The following MEGF11 variants were observed in gnomAD, a reference collection of about 807,000 sequenced individuals.
MEGF11 encodes the protein multiple epidermal growth factor-like domains protein 11.
A neutral mutation model predicts 146.6 loss-of-function variants in MEGF11; 126 were observed. The ratio of observed to expected loss-of-function variants is 0.86; its 90% CI spans 0.74 to 1.00. The LOEUF (loss-of-function observed/expected upper bound fraction) is 1.00. Among genes scored for constraint, MEGF11 ranks in the 50% least tolerant of loss-of-function variants. The pLI is 0.00. For missense variants in MEGF11, 1,509 were observed against 1,521.2 expected (o/e 0.99, Z 0.13); for synonymous variants, 532 against 583.4 (o/e 0.91, Z 1.27).
intron 1 of MEGF11, among the ~76,000 whole-genome samples, chr15:66,188,050 C>A (rs1006312836): frequency 6.6e-6 from 1 of 152,126 alleles, no homozygotes; most frequent in East Asian, 1.9e-4. Flanking sequence ...CTGGGGGGAG[C>A]CGGAGGACTG....
Position 65,982,414 on chromosome 15 carries a change from TG to T in MEGF11, c.468del (p.Ile157SerfsTer130). ...CQCQNGALCN[P>X]ITGACVCAAG... The stretch of plus-strand genomic sequence containing the variant: ...GCGGCGCACACGCAGGCGCCTGTGA[TG>T]GGGTTACACAGGGCGCCGTTCTGGC... On this transcript the variant is annotated frameshift_variant, in exon 6 of 26. Transcript: ENST00000395614. LOFTEE classifies it high-confidence loss of function. The surrounding 1 kb of genome is among the most constrained non-coding windows in gnomAD (Gnocchi z 5.6). 1 of 1,535,768 alleles carries T rather than the reference TG, an allele frequency of 6.5e-7. No individual in the cohort carries two copies. Among genetic ancestry groups the T allele is most frequent in the Non-Finnish European group, 8.7e-7 (1 of 1,143,406 alleles).
chr15:66,230,365 G>A (rs1051894363), intron 1 of MEGF11, among the ~76,000 whole-genome samples: 2 of 152,152 alleles, frequency 1.3e-5, no homozygotes, highest in Admixed American at 6.5e-5. Context: ...CTGGCAGCAG[G>A]GCTGGGTTAT....
chr15:65,946,267 G>A (rs771667834), intron 10 of MEGF11, among the ~76,000 whole-genome samples: 2 of 152,158 alleles, frequency 1.3e-5, no homozygotes, highest in Non-Finnish European at 2.9e-5. Context: ...CGTGTGAGGC[G>A]AGCAAAGGGT....
chr15:66,094,350 C>T, intron 5 of MEGF11, 52 bp downstream of exon 5: 1 of 1,467,918 alleles, frequency 6.8e-7, no homozygotes, highest in Non-Finnish European at 9.3e-7. Flanking sequence ...CAACCCACTC[C>T]CCTACCAAGT....
At chr15:65,939,489 C>CA (rs1300232046) in intron 10 of MEGF11, among the ~76,000 whole-genome samples, 1 of 149,720 alleles carries the variant, frequency 6.7e-6, no homozygotes, top group Non-Finnish European at 1.5e-5. Flanking sequence ...TTTCAGCTCC[C>CA]AACTTTTTTT....
At position 66,207,012 on chromosome 15, in the gene MEGF11, C is replaced by T. The variant is rs572211120; in HGVS notation, c.-9+46593G>A. 2.2e-3 allele frequency among the ~76,000 whole-genome samples: 337 copies of T among 152,020 alleles called. 1 individual carries two copies. The highest frequency in any genetic ancestry group is 6.8e-3 in the Middle Eastern group (2 of 292). ...GATAGCTCAAGTGAAATTATCTAGT[C>T]GGAATGGAAAAGAATGAAGAAAAAT... On this transcript the variant is annotated intron_variant, in intron 1 of 25. Coordinates refer to ENST00000395614, the MANE Select transcript of MEGF11 (RefSeq NM_001385028.1).
chr15:66,150,823 CGAGAGAGA>C (rs66595752), intron 1 of MEGF11, among the ~76,000 whole-genome samples: 6,639 of 104,094 alleles, frequency 0.064, 247 homozygotes, highest in Middle Eastern at 0.093. Context: ...AATGCCCTGT[CGAGAGAGA>C]GAGAGAGAGA....
At chr15:66,065,035 C>T (rs1409368266) in intron 5 of MEGF11, among the ~76,000 whole-genome samples, 1 of 152,140 alleles carries the variant, frequency 6.6e-6, no homozygotes, top group East Asian at 1.9e-4. Context: ...AGCCCTGATT[C>T]ACTGGCCCTT....
intron 13 of MEGF11, among the ~76,000 whole-genome samples, chr15:65,923,504 G>A (rs1351860574): frequency 6.6e-6 from 1 of 152,154 alleles, no homozygotes; most frequent in Non-Finnish European, 1.5e-5. Flanking sequence ...GAGTAGGTAG[G>A]ATCTTTTCAG....
intron 4 of MEGF11, among the ~76,000 whole-genome samples, chr15:66,118,215 G>T (rs1457691582): frequency 6.6e-6 from 1 of 152,108 alleles, no homozygotes; most frequent in Non-Finnish European, 1.5e-5. Flanking sequence ...AAGTCCACTG[G>T]CCCCATGTCA....
chr15:65,967,593 G>A (rs1172828255), intron 8 of MEGF11, among the ~76,000 whole-genome samples: 1 of 152,120 alleles, frequency 6.6e-6, no homozygotes, highest in South Asian at 2.1e-4. Context: ...CGTGGATGTG[G>A]CAGGGCCAGC....
chr15:66,166,201 T>A (rs2141095189), intron 1 of MEGF11, among the ~76,000 whole-genome samples: 2 of 152,210 alleles, frequency 1.3e-5, no homozygotes, highest in African/African-American at 4.8e-5. Flanking sequence ...GCCCCCTTGC[T>A]CTCCCCGCCC....
chr15:66,013,324 C>A (rs2082769991), intron 5 of MEGF11, among the ~76,000 whole-genome samples: 1 of 152,202 alleles, frequency 6.6e-6, no homozygotes, highest in Admixed American at 6.5e-5. Flanking sequence ...GCTTGCTTTG[C>A]CATTATCCTC....
At chr15:66,084,721 G>A (rs1290653554) in intron 5 of MEGF11, among the ~76,000 whole-genome samples, 1 of 152,198 alleles carries the variant, frequency 6.6e-6, no homozygotes, top group East Asian at 1.9e-4. Context: ...CAGAGGAGCA[G>A]GAGGTAAAAC....
chr15:66,046,295 C>T lies in MEGF11; in HGVS notation c.394+48107G>A, dbSNP rs565554940. On this transcript the variant is annotated intron_variant, in intron 5 of 25. Coordinates refer to ENST00000395614, the MANE Select transcript of MEGF11 (RefSeq NM_001385028.1). The stretch of plus-strand genomic sequence containing the variant: ...CAGCCCTTAACGTACACCCAGGATC[C>T]CAAATCGCCATCTGGACTATCCAAA... 3.3e-5 allele frequency among the ~76,000 whole-genome samples: 5 copies of T among 152,286 alleles called. No homozygotes were observed. In the East Asian group the frequency reaches 9.7e-4, roughly 29 times the overall value.
chr15:66,190,608 A>AC (rs1396566952), intron 1 of MEGF11, among the ~76,000 whole-genome samples: 2 of 151,960 alleles, frequency 1.3e-5, no homozygotes, highest in Non-Finnish European at 2.9e-5. Context: ...AAGAGATAGC[A>AC]CCCCTCAAAA....
At position 65,957,772 on chromosome 15, in the gene MEGF11, A is replaced by G. The variant is rs1282551064; in HGVS notation, c.1113-51T>C. ...AGACAGCTTGTTCTGGGAAGCAGCCATGTCCCCGCCCTCTGTCTACCCCAA... is the reference window on the plus strand; with the variant it reads ...AGACAGCTTGTTCTGGGAAGCAGCCGTGTCCCCGCCCTCTGTCTACCCCAA... On this transcript the variant is annotated intron_variant, in intron 9 of 25. Transcript: ENST00000395614. 9.5e-6 allele frequency: 15 copies of G among 1,583,848 alleles called. 1 individual carries two copies. The highest frequency in any genetic ancestry group is 3.4e-5 in the Admixed American group (2 of 59,590).
chr15:66,065,414 C>G (rs1343602787), intron 5 of MEGF11, among the ~76,000 whole-genome samples: 1 of 152,150 alleles, frequency 6.6e-6, no homozygotes, highest in South Asian at 2.1e-4. Flanking sequence ...TGGGATGCCA[C>G]CCCCTGCACT....
At chr15:65,903,307 T>C (rs1376200219) in intron 24 of MEGF11, among the ~76,000 whole-genome samples, 1 of 152,150 alleles carries the variant, frequency 6.6e-6, no homozygotes, top group African/African-American at 2.4e-5. Flanking sequence ...TTGAAATGGC[T>C]GACAAGGAAT....
Sources: gnomAD v4.1 joint callset for allele counts (sites outside exome capture counted in the v4.1 genomes callset) on GRCh38, gnomAD v4.1.1 for gene constraint, Gnocchi (gnomAD v3.1) non-coding constraint, MANE v1.5 for transcripts, NCBI Gene and HGNC (gene_info 2026-07-23, HGNC 2026-07-21) for gene names.